Variants in RASA3 observed in about 807,000 individuals in gnomAD.
The protein encoded by RASA3 is ras GTPase-activating protein 3.
RASA3 carries 73 observed loss-of-function variants against 110.0 expected under a neutral mutation model. That is an observed-to-expected ratio of 0.66 (90% CI 0.55 to 0.81). The LOEUF is 0.81. Ranked by LOEUF, RASA3 falls within the 30% of genes least tolerant of loss-of-function variation. The pLI is 0.00. For synonymous variants in RASA3, 500 were observed against 451.4 expected, an observed-to-expected ratio of 1.11 and a Z score of -1.37; for missense variants, 976 against 1,113.2, an observed-to-expected ratio of 0.88 and a Z score of 1.75.
intron 4 of RASA3, among the ~76,000 whole-genome samples, chr13:114,031,036 CATCT>C (rs996004542): frequency 5.0e-5 from 7 of 141,076 alleles, no homozygotes; most frequent in African/African-American, 1.6e-4. Flanking sequence ...ACTGTGTGTC[CATCT>C]GTGTGTGGCT....
In RASA3 at chr13:113,981,655, G is replaced by A; in HGVS notation, c.2429+20C>T. On this transcript the variant is annotated intron_variant, in intron 23 of 23. Coordinates refer to ENST00000334062, the MANE Select transcript of RASA3 (RefSeq NM_007368.4). ...CCCACTACACTGGCCGTCCAGGGCA[G>A]GCACGGGAGTGGCACTCACTGGCTT... 1 of 1,611,910 alleles carries A rather than the reference G, an allele frequency of 6.2e-7. No homozygotes were observed. Among genetic ancestry groups the A allele is most frequent in the Non-Finnish European group, 8.5e-7 (1 of 1,178,984 alleles).
At position 114,027,833 on chromosome 13, in the gene RASA3, G is replaced by A. The variant is rs375389956; in HGVS notation, c.530+14C>T. ...CAGGACCAGAACAGAAACCTGAAGC[G>A]TGAGGCAACTTGCCTGAAGGGTCCT... On this transcript the variant is annotated intron_variant, in intron 6 of 23. Coordinates refer to ENST00000334062, the MANE Select transcript of RASA3 (RefSeq NM_007368.4). 711 of 1,612,220 alleles carry A rather than the reference G, an allele frequency of 4.4e-4. No homozygotes were observed. The highest frequency in any genetic ancestry group is 5.6e-4 in the Non-Finnish European group (661 of 1,178,604).
rs1020998362 is a variant in RASA3 at position 114,048,009 on chromosome 13, T to C, written c.277+4043A>G. 6.6e-6 allele frequency among the ~76,000 whole-genome samples: 1 copy of C among 152,146 alleles called. No individual in the cohort carries two copies. The highest frequency in any genetic ancestry group is 2.4e-5 in the African/African-American group (1 of 41,438). On this transcript the variant is annotated intron_variant, in intron 3 of 23. Coordinates refer to ENST00000334062, the MANE Select transcript of RASA3 (RefSeq NM_007368.4). The surrounding 1 kb of genome is among the most constrained non-coding windows in gnomAD (Gnocchi z 4.3). The stretch of plus-strand genomic sequence containing the variant: ...CATATGTCAGTTGCAGACCACCTGA[T>C]TTATACACAAAGAACGGAGGTCTCG...
intron 1 of RASA3, among the ~76,000 whole-genome samples, chr13:114,099,326 G>C (rs983196029): frequency 6.6e-6 from 1 of 152,048 alleles, no homozygotes; most frequent in Admixed American, 6.5e-5. Flanking sequence ...CCCTGCATGG[G>C]GACACGCGGG....
At chr13:114,110,442 C>T (rs372660272) in intron 1 of RASA3, among the ~76,000 whole-genome samples, 2 of 152,238 alleles carry the variant, frequency 1.3e-5, no homozygotes, top group African/African-American at 4.8e-5. Flanking sequence ...GGATACAGTC[C>T]GGCTCACTGG....
intron 2 of RASA3, among the ~76,000 whole-genome samples, chr13:114,053,403 G>A (rs1594393086): frequency 6.6e-6 from 1 of 152,244 alleles, no homozygotes; most frequent in Non-Finnish European, 1.5e-5. Context: ...CGGACCTGTT[G>A]GCGATTACTG....
chr13:114,074,440 C>A (rs956995175), intron 1 of RASA3, among the ~76,000 whole-genome samples: 7 of 152,236 alleles, frequency 4.6e-5, no homozygotes, highest in African/African-American at 1.7e-4. Context: ...CTGCTGTGGC[C>A]GCTGACTGGA....
intron 18 of RASA3, among the ~76,000 whole-genome samples, chr13:114,005,144 G>A (rs2053486575): frequency 6.6e-6 from 1 of 152,192 alleles, no homozygotes; most frequent in Non-Finnish European, 1.5e-5. Context: ...GGGAGCGGGA[G>A]AGGAATGAGA....
intron 1 of RASA3, among the ~76,000 whole-genome samples, chr13:114,120,117 C>T (rs796590982): frequency 8.5e-5 from 1 of 11,796 alleles, no homozygotes. Context: ...GGCCCCCCTC[C>T]CCTCTCCAGC....
At chr13:113,981,911 G>C in intron 22 of RASA3, 53 bp from the exon 23 acceptor site, 2 of 1,551,414 alleles carry the variant, frequency 1.3e-6, no homozygotes, top group Non-Finnish European at 1.8e-6. Context: ...CACCGGCCCC[G>C]TCTCCACACA....
At chr13:114,041,645 C>T (rs1049417151) in intron 3 of RASA3, among the ~76,000 whole-genome samples, 2 of 152,224 alleles carry the variant, frequency 1.3e-5, no homozygotes, top group Admixed American at 6.5e-5. Flanking sequence ...TGCACCCGTG[C>T]GAGCGACAGC....
At chr13:114,067,151 C>A (rs1029694389) in intron 2 of RASA3, among the ~76,000 whole-genome samples, 1 of 148,610 alleles carries the variant, frequency 6.7e-6, no homozygotes, top group African/African-American at 2.5e-5. Flanking sequence ...CTGGGGCACT[C>A]TGGAGCTGAG....
intron 1 of RASA3, among the ~76,000 whole-genome samples, chr13:114,128,447 G>A (rs1451634886): frequency 2.6e-5 from 4 of 152,238 alleles, no homozygotes; most frequent in Non-Finnish European, 4.4e-5. Flanking sequence ...AGCTGGGCCC[G>A]GAGCCCTTAC....
chr13:114,040,299 A>C (rs1436305987), intron 4 of RASA3, among the ~76,000 whole-genome samples: 37 of 121,848 alleles, frequency 3.0e-4, no homozygotes, highest in South Asian at 5.5e-4. Flanking sequence ...CATGGCAGAG[A>C]CCGCGCTCAC....
chr13:114,083,255 T>C (rs2139699084), intron 1 of RASA3, among the ~76,000 whole-genome samples: 1 of 152,370 alleles, frequency 6.6e-6, no homozygotes, highest in Non-Finnish European at 1.5e-5. Context: ...ATATACAAGA[T>C]TATTTAATTC....
intron 1 of RASA3, among the ~76,000 whole-genome samples, chr13:114,110,677 G>T (rs919433194): frequency 6.6e-6 from 1 of 152,214 alleles, no homozygotes; most frequent in Non-Finnish European, 1.5e-5. Context: ...TGTGAGGACC[G>T]ACAGCCCCTC....
intron 1 of RASA3, among the ~76,000 whole-genome samples, chr13:114,093,507 G>T (rs984467669): frequency 6.6e-6 from 1 of 152,164 alleles, no homozygotes; most frequent in African/African-American, 2.4e-5. Flanking sequence ...TGATCTTTGA[G>T]AGTTTTTTGA....
intron 2 of RASA3, among the ~76,000 whole-genome samples, chr13:114,061,415 A>C (rs942928245): frequency 7.2e-5 from 11 of 152,152 alleles, no homozygotes. Context: ...TGGGTTATGA[A>C]ACAGGAGCCC....
rs751525550 is a variant in RASA3 at position 113,996,664 on chromosome 13, C to T, written c.2008G>A (p.Asp670Asn). 1.3e-5 allele frequency: 21 copies of T among 1,613,698 alleles called. No homozygotes were observed. Among genetic ancestry groups the T allele is most frequent in the Admixed American group, 3.3e-5 (2 of 59,998 alleles). The change falls in exon 21 of 24, where the codon GAC becomes AAC. Residue 670 changes from aspartate to asparagine, a missense_variant. Physicochemically the swap from Asp to Asn is conservative, Grantham distance 23. This residue lies in a region of RASA3 where 109 missense variants were observed against 162.5 expected (regional missense o/e 0.67). Transcript: ENST00000334062. The part of the protein sequence containing the change: ...NNCVEAKDWI[D>N]ILTKVSQCNQ... ...CACTGGCTCACTTTGGTGAGAATGT[C>T]GATCCAGTCCTTGGCCTCCACGCAG...
Sources: gnomAD v4.1 joint callset for allele counts (sites outside exome capture counted in the v4.1 genomes callset) on GRCh38, gnomAD v4.1.1 for gene constraint, gnomAD v4.1.1 regional missense constraint, Gnocchi (gnomAD v3.1) non-coding constraint, MANE v1.5 for transcripts, NCBI Gene and HGNC (gene_info 2026-07-23, HGNC 2026-07-21) for gene names.